Variants in IL1RAPL2 observed in about 807,000 individuals in gnomAD.
IL1RAPL2 encodes the protein interleukin 1 receptor accessory protein like 2.
IL1RAPL2 carries 3 observed loss-of-function variants against 44.1 expected under a neutral mutation model. The ratio of observed to expected loss-of-function variants is 0.07; its 90% CI spans 0.03 to 0.18. The LOEUF (loss-of-function observed/expected upper bound fraction) is 0.18. Among genes scored for constraint, IL1RAPL2 ranks in the 10% least tolerant of loss-of-function variants. IL1RAPL2 has a pLI of 1.00. For synonymous variants in IL1RAPL2, 181 were observed against 178.8 expected (o/e 1.01, Z -0.10); for missense variants, 391 against 496.4 (o/e 0.79, Z 2.02).
chrX:104,714,999 T>G (rs1931529881), intron 2 of IL1RAPL2, among the ~76,000 whole-genome samples: 1 of 111,293 alleles, frequency 9.0e-6, no homozygotes, highest in African/African-American at 3.3e-5. Context: ...CATCATGCAA[T>G]GAGTTGGGTA....
chrX:104,832,350 A>T (rs1051884669), intron 2 of IL1RAPL2, among the ~76,000 whole-genome samples: 7 of 111,702 alleles, frequency 6.3e-5, no homozygotes, highest in Non-Finnish European at 1.3e-4. Context: ...TATTAAAAGT[A>T]GCTAATATCT....
At chrX:105,688,832 G>A (rs1236367829) in intron 6 of IL1RAPL2, among the ~76,000 whole-genome samples, 2 of 111,634 alleles carry the variant, frequency 1.8e-5, no homozygotes, top group African/African-American at 3.3e-5. Context: ...GTACTACAAG[G>A]CTACAGTAAC....
chrX:104,593,813 T>C (rs745664058), intron 1 of IL1RAPL2, among the ~76,000 whole-genome samples: 15 of 112,105 alleles, frequency 1.3e-4, no homozygotes, highest in African/African-American at 4.9e-4. Context: ...TTCAACAGTG[T>C]CCTACACTCT....
At chrX:105,706,917 A>G (rs1285661423) in intron 6 of IL1RAPL2, among the ~76,000 whole-genome samples, 4 of 111,465 alleles carry the variant, frequency 3.6e-5, no homozygotes, top group Admixed American at 2.9e-4. Context: ...AAAATATTCA[A>G]ACTTATTAAA....
At chrX:105,346,708 G>C (rs1188943284) in intron 5 of IL1RAPL2, among the ~76,000 whole-genome samples, 2 of 111,519 alleles carry the variant, frequency 1.8e-5, no homozygotes, top group African/African-American at 6.5e-5. Context: ...GACTGATCGG[G>C]GCTATTATAT....
intron 5 of IL1RAPL2, among the ~76,000 whole-genome samples, chrX:105,400,489 A>T (rs1020309089): frequency 9.0e-6 from 1 of 111,257 alleles, no homozygotes; most frequent in Non-Finnish European, 1.9e-5. Context: ...TTGTTTTCTG[A>T]ATCCCTCTTA....
chrX:104,619,262 T>C (rs1306927109), intron 1 of IL1RAPL2, among the ~76,000 whole-genome samples: 2 of 112,288 alleles, frequency 1.8e-5, no homozygotes, highest in Non-Finnish European at 3.8e-5. Flanking sequence ...TTAAAAATGA[T>C]ATCCTGCTCT....
At chrX:105,414,472 A>G (rs1038040268) in intron 5 of IL1RAPL2, among the ~76,000 whole-genome samples, 2 of 111,721 alleles carry the variant, frequency 1.8e-5, no homozygotes, top group African/African-American at 6.5e-5. Context: ...TTCCCACTAT[A>G]CATGCAATAT....
At chrX:104,911,927 G>A (rs973937293) in intron 2 of IL1RAPL2, among the ~76,000 whole-genome samples, 2 of 111,396 alleles carry the variant, frequency 1.8e-5, no homozygotes, top group African/African-American at 6.5e-5. Context: ...TCCGTATTCA[G>A]GCCTTCACTC....
At chrX:105,480,550 TTCAA>T (rs761046331) in intron 5 of IL1RAPL2, among the ~76,000 whole-genome samples, 2 of 112,102 alleles carry the variant, frequency 1.8e-5, no homozygotes, top group Non-Finnish European at 1.9e-5. Context: ...CTCCCATTCT[TTCAA>T]TCAAAGCATG....
intron 2 of IL1RAPL2, among the ~76,000 whole-genome samples, chrX:105,135,331 C>T (rs2033066275): frequency 9.0e-6 from 1 of 111,019 alleles, no homozygotes; most frequent in Admixed American, 9.7e-5. Context: ...AAACTTGTAA[C>T]TATTATTTAG....
At chrX:104,759,048 A>G (rs746187122) in intron 2 of IL1RAPL2, among the ~76,000 whole-genome samples, 8 of 112,876 alleles carry the variant, frequency 7.1e-5, no homozygotes, top group Middle Eastern at 4.6e-3. Context: ...CACATGTTGA[A>G]AGAAAGAAAC....
At chrX:105,757,801 A>T (rs2038652638) in intron 10 of IL1RAPL2, among the ~76,000 whole-genome samples, 1 of 111,630 alleles carries the variant, frequency 9.0e-6, no homozygotes, top group Non-Finnish European at 1.9e-5. Flanking sequence ...GAGGCTCTTA[A>T]AAAGGCCCTT....
chrX:105,592,918 C>G (rs1371798510), intron 6 of IL1RAPL2, among the ~76,000 whole-genome samples: 1 of 111,299 alleles, frequency 9.0e-6, no homozygotes, highest in Non-Finnish European at 1.9e-5. Context: ...GGGGATGGTC[C>G]TCTTGTATAG....
At chrX:104,573,320 C>T (rs1451403802) in intron 1 of IL1RAPL2, among the ~76,000 whole-genome samples, 3 of 112,103 alleles carry the variant, frequency 2.7e-5, no homozygotes, top group African/African-American at 9.7e-5. Flanking sequence ...CTAAAAATTT[C>T]GGTTCCTCAG....
intron 6 of IL1RAPL2, among the ~76,000 whole-genome samples, chrX:105,516,648 A>G (rs1799408711): frequency 8.9e-6 from 1 of 112,193 alleles, no homozygotes; most frequent in African/African-American, 3.2e-5. Context: ...TTAGAGTGTC[A>G]TGCACATAGG....
At position 105,157,991 on chromosome X, in the gene IL1RAPL2, C is replaced by T. The variant is rs148026264; in HGVS notation, c.83-37484C>T. 2.0e-3 allele frequency among the ~76,000 whole-genome samples: 221 copies of T among 111,889 alleles called. 4 individuals carry two copies. The East Asian group carries it at 0.046, about 23-fold the overall frequency. ...AAAAAAAGAGTAGAACTATGGGGCACGGAGGAAAAGCTTCATCTACAGTAA... is the reference window on the plus strand; with the variant it reads ...AAAAAAAGAGTAGAACTATGGGGCATGGAGGAAAAGCTTCATCTACAGTAA... On this transcript the variant is annotated intron_variant, in intron 2 of 10. Transcript: ENST00000372582.
chrX:105,543,981 C>T (rs1322670088), intron 6 of IL1RAPL2, among the ~76,000 whole-genome samples: 1 of 111,625 alleles, frequency 9.0e-6, no homozygotes, highest in Non-Finnish European at 1.9e-5. Flanking sequence ...ATAAAGGTTG[C>T]GTTGACTTTT....
At chrX:105,344,822 G>A (rs1037211355) in intron 5 of IL1RAPL2, among the ~76,000 whole-genome samples, 10 of 111,852 alleles carry the variant, frequency 8.9e-5, no homozygotes, top group African/African-American at 1.6e-4. Flanking sequence ...TGGTTTGAAT[G>A]AGAGGGAAAT....
Sources: gnomAD v4.1 joint callset for allele counts (sites outside exome capture counted in the v4.1 genomes callset) on GRCh38, gnomAD v4.1.1 for gene constraint, MANE v1.5 for transcripts, NCBI Gene and HGNC (gene_info 2026-07-23, HGNC 2026-07-21) for gene names.